EYS: variants seen among roughly 807,000 people sequenced by gnomAD.
EYS encodes EGF-like photoreceptor maintenance factor, also known as protein eyes shut homolog.
Under a neutral mutation model 282.1 loss-of-function variants are expected in EYS, and 250 were observed. The ratio of observed to expected loss-of-function variants is 0.89; its 90% CI spans 0.80 to 0.98. The LOEUF (loss-of-function observed/expected upper bound fraction) is 0.98. Among genes scored for constraint, EYS ranks in the 50% least tolerant of loss-of-function variants. The probability of loss-of-function intolerance (pLI) is 0.00; values close to 1 mark genes in which losing one functional copy is unlikely to be tolerated. For synonymous variants in EYS, 1,355 were observed against 1,282.9 expected (o/e 1.06, Z -1.20); for missense variants, 4,016 against 3,709.0 (o/e 1.08, Z -2.15).
At chr6:65,512,442 T>C (rs1347732651) in intron 2 of EYS, among the ~76,000 whole-genome samples, 13 of 147,766 alleles carry the variant, frequency 8.8e-5, no homozygotes, top group African/African-American at 3.0e-4. Flanking sequence ...TGAGCCAAGA[T>C]TGAGCCACTG....
intron 29 of EYS, among the ~76,000 whole-genome samples, chr6:64,309,675 AC>A (rs1479112618): frequency 6.6e-6 from 1 of 152,126 alleles, no homozygotes; most frequent in African/African-American, 2.4e-5. Context: ...ATGTAAAAAA[AC>A]AAAAGCTCAG....
intron 13 of EYS, among the ~76,000 whole-genome samples, chr6:65,012,266 A>T (rs982994155): frequency 1.3e-5 from 2 of 152,228 alleles, no homozygotes; most frequent in South Asian, 2.1e-4. Flanking sequence ...CATATCAGAC[A>T]AAAAGCACAG....
intron 33 of EYS, among the ~76,000 whole-genome samples, chr6:64,027,451 C>A (rs1190428702): frequency 6.6e-6 from 1 of 152,080 alleles, no homozygotes; most frequent in African/African-American, 2.4e-5. Flanking sequence ...AGCCCTGGGC[C>A]CTGAACAAAA....
chr6:63,839,284 G>A (rs1381770915), intron 36 of EYS, among the ~76,000 whole-genome samples: 1 of 151,950 alleles, frequency 6.6e-6, no homozygotes, highest in Non-Finnish European at 1.5e-5. Flanking sequence ...AGCTATTTTA[G>A]CTTCCATATA....
intron 26 of EYS, among the ~76,000 whole-genome samples, chr6:64,456,985 CT>C (rs1439743581): frequency 1.3e-5 from 2 of 151,796 alleles, no homozygotes; most frequent in Non-Finnish European, 2.9e-5. Context: ...TTATTATGAC[CT>C]TTTTTGATGT....
Position 63,736,803 on chromosome 6 carries a change from G to A in EYS, c.8072-10123C>T, listed in dbSNP as rs1304075301. Among the ~76,000 whole-genome samples the A allele has an allele frequency of 4.7e-4, 71 of 151,144 alleles. No individual in the cohort carries two copies. The South Asian group carries it at 6.9e-3, about 15-fold the overall frequency. ...AGTTCTCCTTGAAGAGGTCCTTCAC[G>A]TCCCTTGTAAGTTGGATTCCTAGGT... On this transcript the variant is annotated intron_variant, in intron 41 of 42. Coordinates refer to ENST00000503581, the MANE Select transcript of EYS (RefSeq NM_001142800.2).
At chr6:65,666,940 TAC>T (rs1396274356) in intron 1 of EYS, among the ~76,000 whole-genome samples, 2 of 150,598 alleles carry the variant, frequency 1.3e-5, no homozygotes, top group Non-Finnish European at 3.0e-5. Flanking sequence ...AACGTAAATC[TAC>T]ATTGCCACCC....
intron 35 of EYS, among the ~76,000 whole-genome samples, chr6:63,972,167 G>A (rs1044751033): frequency 6.6e-6 from 1 of 152,184 alleles, no homozygotes; most frequent in African/African-American, 2.4e-5. Context: ...TCTAAGCAGA[G>A]TTGAATGGGT....
intron 2 of EYS, among the ~76,000 whole-genome samples, chr6:65,593,705 AT>A (rs1319149103): frequency 6.6e-6 from 1 of 151,824 alleles, no homozygotes; most frequent in Non-Finnish European, 1.5e-5. Flanking sequence ...CCACGATATT[AT>A]TTTTTTATTC....
intron 22 of EYS, among the ~76,000 whole-genome samples, chr6:64,664,457 G>C (rs768043745): frequency 1.3e-5 from 2 of 152,198 alleles, no homozygotes; most frequent in Non-Finnish European, 2.9e-5. Context: ...AGGAAATCCA[G>C]CTAGTCCTGT....
At chr6:64,445,560 T>A (rs1386688118) in intron 26 of EYS, among the ~76,000 whole-genome samples, 2 of 152,124 alleles carry the variant, frequency 1.3e-5, no homozygotes, top group East Asian at 3.9e-4. Context: ...AAAAGGAAGT[T>A]CAAGAATAGG....
chr6:65,394,246 G>A lies in EYS; in HGVS notation c.1184+8232C>T, dbSNP rs1262955828. Among the ~76,000 whole-genome samples the A allele has an allele frequency of 2.6e-5, 4 of 152,048 alleles. No homozygotes were observed. In the South Asian group the frequency reaches 8.3e-4, roughly 32 times the overall value. Reference sequence around the variant, plus strand: ...TATGTGCGCACGTGTGTGTGTGTGTGTGTGCAAAATGGCAGTATTAATAAT... The same window carrying A: ...TATGTGCGCACGTGTGTGTGTGTGTATGTGCAAAATGGCAGTATTAATAAT... On this transcript the variant is annotated intron_variant, in intron 7 of 42. Transcript: ENST00000503581.
intron 8 of EYS, among the ~76,000 whole-genome samples, chr6:65,374,651 G>T (rs896856301): frequency 6.6e-6 from 1 of 152,072 alleles, no homozygotes; most frequent in Non-Finnish European, 1.5e-5. Context: ...AGAACCACTG[G>T]CTTGAAATTC....
chr6:65,543,582 C>G (rs1768263892), intron 2 of EYS, among the ~76,000 whole-genome samples: 1 of 151,316 alleles, frequency 6.6e-6, no homozygotes, highest in Non-Finnish European at 1.5e-5. Context: ...TCTCTCAGAC[C>G]AGGTGTTTTC....
At chr6:63,992,647 A>G (rs1767653812) in intron 34 of EYS, among the ~76,000 whole-genome samples, 1 of 151,840 alleles carries the variant, frequency 6.6e-6, no homozygotes, top group Admixed American at 6.6e-5. Context: ...AGAAGATACA[A>G]AAAAACAAAA....
At chr6:63,926,775 T>G (rs1764728372) in intron 35 of EYS, among the ~76,000 whole-genome samples, 1 of 152,172 alleles carries the variant, frequency 6.6e-6, no homozygotes, top group African/African-American at 2.4e-5. Context: ...TCTCAGTACT[T>G]AAAACATAAG....
chr6:63,961,186 G>A (rs533256179), intron 35 of EYS, among the ~76,000 whole-genome samples: 1 of 152,172 alleles, frequency 6.6e-6, no homozygotes, highest in East Asian at 1.9e-4. Context: ...TTCAAAGATG[G>A]TGGAAGGTGT....
chr6:64,907,312 AGT>A (rs1767860376), intron 16 of EYS, among the ~76,000 whole-genome samples: 1 of 152,124 alleles, frequency 6.6e-6, no homozygotes. Context: ...AGTCTCCCAA[AGT>A]GCTGTGATTA....
chr6:64,475,709 T>A (rs1487977057), intron 26 of EYS, among the ~76,000 whole-genome samples: 1 of 147,494 alleles, frequency 6.8e-6, no homozygotes, highest in Non-Finnish European at 1.5e-5. Flanking sequence ...ACCCAAAGCC[T>A]TAACTTCCTC....
Sources: gnomAD v4.1 joint callset for allele counts (sites outside exome capture counted in the v4.1 genomes callset) on GRCh38, gnomAD v4.1.1 for gene constraint, MANE v1.5 for transcripts, NCBI Gene and HGNC (gene_info 2026-07-23, HGNC 2026-07-21) for gene names.